LVRN: variants seen among roughly 807,000 people sequenced by gnomAD.
LVRN encodes the protein laeverin.
A neutral mutation model predicts 111.4 loss-of-function variants in LVRN; 99 were observed. That is an observed-to-expected ratio of 0.89 (90% CI 0.76 to 1.05). LVRN has a LOEUF of 1.05. Ranked by LOEUF, LVRN falls within the 50% of genes least tolerant of loss-of-function variation. The pLI, the probability that LVRN is intolerant of heterozygous loss-of-function variation, is 0.00. For missense variants in LVRN, 1,414 were observed against 1,206.8 expected, an observed-to-expected ratio of 1.17 and a Z score of -2.54; for synonymous variants, 488 against 449.5, an observed-to-expected ratio of 1.09 and a Z score of -1.08.
rs1486825457 is a variant in LVRN, at chr5:116,015,628, A to G, written c.2619A>G (p.Arg873=). 6.2e-7 allele frequency: 1 copy of G among 1,602,804 alleles called. No individual in the cohort carries two copies. Among genetic ancestry groups the G allele is most frequent in the Non-Finnish European group, 8.5e-7 (1 of 1,176,266 alleles). Residue 873 remains arginine (R), a splice_region_variant and synonymous_variant, in exon 18 of 20, where the codon AGA becomes AGG. Coordinates refer to ENST00000357872, the MANE Select transcript of LVRN (RefSeq NM_173800.5). Reference sequence around the variant, plus strand: ...ATTTTTTGAAAATGCACTTTTGCAGATATATGGAGTATGCCATCAGCACAT... The same window carrying G: ...ATTTTTTGAAAATGCACTTTTGCAGGTATATGGAGTATGCCATCAGCACAT... ...SCSKDPWILN[R]YMEYAISTSP...
At chr5:115,999,038 G>A (rs1440543924) in intron 6 of LVRN, among the ~76,000 whole-genome samples, 1 of 152,124 alleles carries the variant, frequency 6.6e-6, no homozygotes, top group Non-Finnish European at 1.5e-5. Flanking sequence ...GGATCATGAG[G>A]GGTTCACCTG....
intron 13 of LVRN, among the ~76,000 whole-genome samples, chr5:116,008,174 C>A (rs1029471999): frequency 1.3e-4 from 20 of 151,900 alleles, no homozygotes; most frequent in African/African-American, 4.6e-4. Context: ...AACCCCATCT[C>A]TACTAAAAAT....
rs185755246 is a variant in LVRN, at chr5:115,966,142, G to A, written c.695+2830G>A. On this transcript the variant is annotated intron_variant, in intron 1 of 19. Coordinates refer to ENST00000357872, the MANE Select transcript of LVRN (RefSeq NM_173800.5). ...TCATTTATCATATGCGTACATTTGC[G>A]CAAAAACTACCACAATAAAGATACA... 2.1e-3 allele frequency among the ~76,000 whole-genome samples: 312 copies of A among 152,094 alleles called. 2 individuals carry two copies. The highest frequency in any genetic ancestry group is 6.9e-3 in the African/African-American group (286 of 41,492).
rs570395139 is a variant in LVRN at position 115,992,190 on chromosome 5, A to T, written c.1173A>T (p.Glu391Asp). ...ACTGGGGACTAATGATATTTGATGA[A>T]TCAGGATTGTTGTTGGAACCAAAAG... ...MENWGLMIFD[E>D]SGLLLEPKDQ... The change falls in exon 5 of 20, where the codon GAA becomes GAT. Residue 391 changes from glutamate (E) to aspartate (D), a missense_variant. Coordinates refer to ENST00000357872, the MANE Select transcript of LVRN (RefSeq NM_173800.5). The T allele has an allele frequency of 3.7e-6, 6 of 1,613,882 alleles. No homozygotes were observed. In the East Asian group the frequency reaches 1.1e-4, roughly 30 times the overall value.
chr5:115,973,283 A>G (rs1372993697), intron 1 of LVRN, among the ~76,000 whole-genome samples: 1 of 152,126 alleles, frequency 6.6e-6, no homozygotes, highest in Non-Finnish European at 1.5e-5. Flanking sequence ...TAGCCTTTTA[A>G]TATATTATTA....
intron 4 of LVRN, among the ~76,000 whole-genome samples, chr5:115,990,877 G>C (rs755130322): frequency 1.3e-5 from 2 of 152,094 alleles, no homozygotes; most frequent in African/African-American, 2.4e-5. Flanking sequence ...TGGCTAAAAT[G>C]TTTAATATAA....
In LVRN at chr5:115,983,418, T is replaced by C. The variant is rs369192779; in HGVS notation, c.827T>C (p.Met276Thr). 2 of 1,599,626 alleles carry C rather than the reference T, an allele frequency of 1.3e-6. No individual in the cohort carries two copies. Among genetic ancestry groups the C allele is most frequent in the African/African-American group, 2.7e-5 (2 of 73,952 alleles). ...HHPSYVALSNMPKLGQSEKED... is the reference protein window; with the variant it reads ...HHPSYVALSNTPKLGQSEKED... Reference sequence around the variant, plus strand: ...CCAAGTTATGTGGCCCTTTCCAACATGCCAAAGCTAGGTAAGTAATGCTTT... The same window carrying C: ...CCAAGTTATGTGGCCCTTTCCAACACGCCAAAGCTAGGTAAGTAATGCTTT... The change falls in exon 2 of 20, where the codon ATG becomes ACG. Residue 276 changes from methionine to threonine, a missense_variant. By Grantham distance (81) the Met-to-Thr change is moderately conservative. Coordinates refer to ENST00000357872, the MANE Select transcript of LVRN (RefSeq NM_173800.5).
At chr5:115,973,925 T>C (rs949210856) in intron 1 of LVRN, among the ~76,000 whole-genome samples, 1 of 152,198 alleles carries the variant, frequency 6.6e-6, no homozygotes, top group Non-Finnish European at 1.5e-5. Context: ...TTATCTTTTT[T>C]TGAGGCTGGT....
intron 18 of LVRN, among the ~76,000 whole-genome samples, chr5:116,016,527 C>T (rs760208171): frequency 5.7e-4 from 87 of 152,304 alleles, no homozygotes; most frequent in Non-Finnish European, 1.1e-3. Flanking sequence ...GACGCACATT[C>T]CACTGCATGC....
At chr5:116,020,909 C>T (rs1580402870) in intron 18 of LVRN, 1 of 152,182 alleles carries the variant, frequency 6.6e-6, no homozygotes, top group African/African-American at 2.4e-5. Context: ...TATATTGAGT[C>T]GTATTGGCTT....
intron 6 of LVRN, among the ~76,000 whole-genome samples, chr5:115,997,716 G>C (rs1278214605): frequency 6.6e-6 from 1 of 152,042 alleles, no homozygotes; most frequent in Non-Finnish European, 1.5e-5. Flanking sequence ...GCAGCTTGTG[G>C]GACAAAGTAA....
At position 115,982,570 on chromosome 5, in the gene LVRN, C is replaced by T. The variant is rs935141603; in HGVS notation, c.696-717C>T. On this transcript the variant is annotated intron_variant, in intron 1 of 19. Coordinates refer to ENST00000357872, the MANE Select transcript of LVRN (RefSeq NM_173800.5). ...TGTTTGCTGGGACCTGTGCTGTCAT[C>T]AGACTCAGGCAGTGTTTGCAGGGGG... Among the ~76,000 whole-genome samples the T allele has an allele frequency of 5.5e-4, 84 of 152,042 alleles. 1 individual carries two copies. Among genetic ancestry groups the T allele is most frequent in the African/African-American group, 1.9e-3 (80 of 41,398 alleles).
intron 16 of LVRN, among the ~76,000 whole-genome samples, chr5:116,014,843 A>G (rs187091536): frequency 2.0e-5 from 3 of 151,992 alleles, no homozygotes; most frequent in African/African-American, 7.2e-5. Flanking sequence ...ATTGTTTATG[A>G]TTGTTATATC....
At chr5:116,024,686 G>A (rs1007968672) in intron 19 of LVRN, among the ~76,000 whole-genome samples, 1 of 152,138 alleles carries the variant, frequency 6.6e-6, no homozygotes, top group Non-Finnish European at 1.5e-5. Flanking sequence ...ATGAATAAAT[G>A]AGGTTCGTAT....
chr5:115,998,942 G>A (rs1368649412), intron 6 of LVRN, among the ~76,000 whole-genome samples: 1 of 152,204 alleles, frequency 6.6e-6, no homozygotes, highest in East Asian at 1.9e-4. Context: ...AAGTGAAACA[G>A]ATTTTGAAAA....
chr5:115,993,903 A>C (rs1414756456), intron 6 of LVRN, 49 bp downstream of exon 6: 1 of 1,110,270 alleles, frequency 9.0e-7, no homozygotes, highest in Middle Eastern at 2.2e-4. Flanking sequence ...TAATTATAAA[A>C]GTAATGCATA....
chr5:116,008,339 G>A (rs184330306), intron 13 of LVRN, among the ~76,000 whole-genome samples: 341 of 152,072 alleles, frequency 2.2e-3, no homozygotes, highest in Non-Finnish European at 3.6e-3. Context: ...GCGAGACTCC[G>A]TCTAAAAAAA....
intron 15 of LVRN, among the ~76,000 whole-genome samples, chr5:116,014,018 G>T (rs1429735130): frequency 1.3e-5 from 2 of 152,128 alleles, no homozygotes; most frequent in East Asian, 1.9e-4. Flanking sequence ...TATAGAGAAA[G>T]AACTTTATTT....
rs186396448 is a variant in LVRN, at chr5:115,993,632, A to C, written c.1261-109A>C. 201 of 702,262 alleles carry C rather than the reference A, an allele frequency of 2.9e-4. 1 individual carries two copies. Among genetic ancestry groups the C allele is most frequent in the African/African-American group, 1.4e-3 (73 of 53,692 alleles). 43.5% of individuals were successfully genotyped at this position (702,262 alleles called of 1,614,324 possible). ...CAAGTTTTGTTATTGATGGCAAATA[A>C]ATTTTAATTATGTCTTTTGACCTTA... On this transcript the variant is annotated intron_variant, in intron 5 of 19. Transcript: ENST00000357872.
Sources: gnomAD v4.1 joint callset for allele counts (sites outside exome capture counted in the v4.1 genomes callset) on GRCh38, gnomAD v4.1.1 for gene constraint, MANE v1.5 for transcripts, NCBI Gene and HGNC (gene_info 2026-07-23, HGNC 2026-07-21) for gene names.